Variants in TIA1 observed in about 807,000 individuals in gnomAD.
TIA1 encodes the protein TIA1 cytotoxic granule associated RNA binding protein.
Under a neutral mutation model 65.9 loss-of-function variants are expected in TIA1, and 23 were observed. That is an observed-to-expected ratio of 0.35 (90% CI 0.25 to 0.49). The LOEUF is 0.49. TIA1 is among the 20% of genes least tolerant of loss of function. The pLI is 0.98. For missense variants in TIA1, 371 were observed against 477.9 expected (o/e 0.78, Z 2.09); for synonymous variants, 147 against 149.4 (o/e 0.98, Z 0.12).
At chr2:70,243,369 G>A (rs1172464173) in intron 1 of TIA1, among the ~76,000 whole-genome samples, 2 of 152,214 alleles carry the variant, frequency 1.3e-5, no homozygotes, top group African/African-American at 4.8e-5. Flanking sequence ...CGAGGCTACA[G>A]TGAGCTGTGA....
intron 2 of TIA1, among the ~76,000 whole-genome samples, chr2:70,231,657 C>T (rs897861014): frequency 4.6e-5 from 7 of 152,136 alleles, no homozygotes; most frequent in Non-Finnish European, 8.8e-5. Flanking sequence ...AGTCTCACTT[C>T]GGCTTTTTAT....
chr2:70,245,914 AT>A (rs199977940), intron 1 of TIA1, among the ~76,000 whole-genome samples: 6,107 of 123,072 alleles, frequency 0.05, 51 homozygotes, highest in East Asian at 0.094. Context: ...ATTCTACCAG[AT>A]TTTTTTTTTT....
rs1464774206 is a variant in TIA1, at chr2:70,210,142, T to C, written c.*2577A>G. 6.3e-6 allele frequency: 1 copy of C among 158,294 alleles called. No individual in the cohort carries two copies. Among genetic ancestry groups the C allele is most frequent in the East Asian group, 1.8e-4 (1 of 5,498 alleles). 9.8% of individuals were successfully genotyped at this position (158,294 alleles called of 1,614,324 possible). ...AAATACCTGAGTGAATATAACAATA[T>C]GGATAGACCAAAAAGAAAAAAAATC... On this transcript the variant is annotated 3_prime_UTR_variant, in exon 13 of 13. Coordinates refer to ENST00000433529, the MANE Select transcript of TIA1 (RefSeq NM_022173.4).
chr2:70,236,232 C>G, intron 1 of TIA1, 57 bp from the exon 2 acceptor site: 2 of 1,183,388 alleles, frequency 1.7e-6, no homozygotes, highest in African/African-American at 1.5e-5. Context: ...GAGTTTCACT[C>G]TTGTTGCCCA....
At chr2:70,229,439 C>T (rs1302396203) in intron 3 of TIA1, 121 bp from the exon 4 acceptor site, 7 of 811,148 alleles carry the variant, frequency 8.6e-6, no homozygotes, top group Non-Finnish European at 1.2e-5. Flanking sequence ...GATACCAGCT[C>T]TGGTCAAGTT....
At position 70,248,478 on chromosome 2, in the gene TIA1, C is replaced by T. The variant is rs1276209730; in HGVS notation, c.-48G>A. Reference sequence around the variant, plus strand: ...CCTCCAGGTCCAGCTCCCTGCCCTTCACTACCTCCCAAATCGTTTAAGCGG... The same window carrying T: ...CCTCCAGGTCCAGCTCCCTGCCCTTTACTACCTCCCAAATCGTTTAAGCGG... On this transcript the variant is annotated 5_prime_UTR_variant, in exon 1 of 13. Coordinates refer to ENST00000433529, the MANE Select transcript of TIA1 (RefSeq NM_022173.4). 6.2e-7 allele frequency: 1 copy of T among 1,600,544 alleles called. No homozygotes were observed. The highest frequency in any genetic ancestry group is 8.5e-7 in the Non-Finnish European group (1 of 1,179,940).
Position 70,212,102 on chromosome 2 carries a change from T to C in TIA1, c.*617A>G, listed in dbSNP as rs1023568456. On this transcript the variant is annotated 3_prime_UTR_variant, in exon 13 of 13. Transcript: ENST00000433529. ...ATCTAAATGAACATCATTTTTTCCA[T>C]TTAAGTATATTTTACAGAACTTTAA... 1.3e-5 allele frequency: 2 copies of C among 152,608 alleles called. No individual in the cohort carries two copies. The highest frequency in any genetic ancestry group is 6.5e-5 in the Admixed American group (1 of 15,278). 9.5% of individuals were successfully genotyped at this position (152,608 alleles called of 1,614,324 possible). A position where few individuals can be genotyped will look rare whatever the true frequency, so the allele number is the denominator to read the frequency against.
chr2:70,239,944 A>T (rs1486638259), intron 1 of TIA1, among the ~76,000 whole-genome samples: 1 of 152,234 alleles, frequency 6.6e-6, no homozygotes, highest in Non-Finnish European at 1.5e-5. Context: ...TTACAGGAGA[A>T]TGCTAGTTAA....
intron 2 of TIA1, among the ~76,000 whole-genome samples, chr2:70,233,018 T>C (rs1006765895): frequency 2.0e-5 from 3 of 152,242 alleles, no homozygotes; most frequent in Admixed American, 6.5e-5. Context: ...AATGACATTA[T>C]AGGCCATTTT....
intron 2 of TIA1, among the ~76,000 whole-genome samples, chr2:70,233,327 G>C (rs1687347982): frequency 6.6e-6 from 1 of 151,942 alleles, no homozygotes; most frequent in African/African-American, 2.4e-5. Context: ...AAAGCAACGA[G>C]GCCAAGACAA....
chr2:70,243,671 T>C (rs576301733), intron 1 of TIA1, among the ~76,000 whole-genome samples: 1 of 152,316 alleles, frequency 6.6e-6, no homozygotes, highest in East Asian at 1.9e-4. Context: ...CTCAAGACTT[T>C]TCATTTTTAC....
chr2:70,241,435 T>A (rs537434606), intron 1 of TIA1, among the ~76,000 whole-genome samples: 1 of 152,074 alleles, frequency 6.6e-6, no homozygotes, highest in South Asian at 2.1e-4. Flanking sequence ...AGCGAGACTC[T>A]GTCTTAAAAA....
chr2:70,243,488 A>G (rs1394515426), intron 1 of TIA1, among the ~76,000 whole-genome samples: 4 of 152,220 alleles, frequency 2.6e-5, no homozygotes, highest in Non-Finnish European at 4.4e-5. Context: ...TATACTATAC[A>G]TCAGCATCCT....
intron 1 of TIA1, among the ~76,000 whole-genome samples, chr2:70,248,063 A>C (rs779969143): frequency 5.9e-5 from 9 of 152,204 alleles, no homozygotes; most frequent in South Asian, 2.1e-4. Context: ...AAAAGGAAAG[A>C]AAGCATAGGA....
chr2:70,232,581 T>TC (rs1278032147), intron 2 of TIA1, among the ~76,000 whole-genome samples: 3 of 136,944 alleles, frequency 2.2e-5, no homozygotes, highest in African/African-American at 8.3e-5. Context: ...AAAATTATCT[T>TC]CCCTTGGCCG....
chr2:70,241,364 C>T (rs973371575), intron 1 of TIA1, among the ~76,000 whole-genome samples: 1 of 151,228 alleles, frequency 6.6e-6, no homozygotes, highest in African/African-American at 2.4e-5. Context: ...ATCGCTTGAA[C>T]CCAGGAGGCA....
At chr2:70,237,810 G>A (rs1014464929) in intron 1 of TIA1, among the ~76,000 whole-genome samples, 12 of 151,066 alleles carry the variant, frequency 7.9e-5, no homozygotes, top group African/African-American at 2.7e-4. Context: ...AGGTTGCAAC[G>A]AGCCCCGATC....
intron 7 of TIA1, among the ~76,000 whole-genome samples, chr2:70,222,771 C>T (rs763980990): frequency 7.9e-5 from 12 of 152,060 alleles, no homozygotes; most frequent in East Asian, 1.9e-4. Flanking sequence ...AAAAATTAGC[C>T]GTGCATGGTG....
Position 70,214,447 on chromosome 2 carries a change from C to A in TIA1, c.936G>T (p.Trp312Cys). The A allele has an allele frequency of 6.2e-7, 1 of 1,613,690 alleles. No homozygotes were observed. The highest frequency in any genetic ancestry group is 8.5e-7 in the Non-Finnish European group (1 of 1,179,896). ...YPQPYGQWGQ[W>C]YGNAQQIGQY... ...GGCCAATTTGTTGTGCATTTCCATA[C>A]CACTGGCCCCACTGGCCATAAGGTT... Residue 312 changes from tryptophan (W) to cysteine (C), a missense_variant, in exon 12 of 13, where the codon TGG (tryptophan) becomes TGT (cysteine). Transcript: ENST00000433529.
Sources: allele counts gnomAD v4.1 joint callset (sites outside exome capture counted in the v4.1 genomes callset), GRCh38; gene constraint gnomAD v4.1.1; transcripts MANE v1.5; gene names NCBI Gene and HGNC (gene_info 2026-07-23, HGNC 2026-07-21).